The following DGKB variants were observed in gnomAD, a reference collection of about 807,000 sequenced individuals.
The protein encoded by DGKB is diacylglycerol kinase beta, also known as 90 kDa diacylglycerol kinase.
A neutral mutation model predicts 114.3 loss-of-function variants in DGKB; 67 were observed. The observed-to-expected ratio is 0.59, with a 90% confidence interval of 0.48 to 0.72. The LOEUF (loss-of-function observed/expected upper bound fraction) is 0.72, where lower values mean the gene tolerates loss of function less well. Among genes scored for constraint, DGKB ranks in the 30% least tolerant of loss-of-function variants. DGKB has a pLI of 0.00. For synonymous variants in DGKB, 398 were observed against 323.1 expected (o/e 1.23, Z -2.49); for missense variants, 907 against 975.2 (o/e 0.93, Z 0.93).
intron 23 of DGKB, among the ~76,000 whole-genome samples, chr7:14,186,817 A>G (rs572941110): frequency 1.3e-5 from 2 of 152,280 alleles, no homozygotes; most frequent in Admixed American, 1.3e-4. Context: ...GAGATAAGCT[A>G]TGAGGAAGCA....
intron 2 of DGKB, among the ~76,000 whole-genome samples, chr7:14,788,900 A>G (rs1234833318): frequency 6.6e-6 from 1 of 152,124 alleles, no homozygotes; most frequent in Non-Finnish European, 1.5e-5. Flanking sequence ...CCGTATGCCC[A>G]GGAAAATACA....
At chr7:14,905,990 A>C (rs150390830), upstream of DGKB, among the ~76,000 whole-genome samples, 1 of 152,156 alleles carries the variant, frequency 6.6e-6, no homozygotes, top group African/African-American at 2.4e-5. Flanking sequence ...TTTCATATCT[A>C]TCACTCACAG....
At chr7:14,391,387 T>C (rs1821278708) in intron 21 of DGKB, among the ~76,000 whole-genome samples, 1 of 151,890 alleles carries the variant, frequency 6.6e-6, no homozygotes, top group Non-Finnish European at 1.5e-5. Context: ...AAAGGTGACT[T>C]GAATGATAAG....
At chr7:14,917,959 T>A (rs1162894415) in intron 1 of DGKB, among the ~76,000 whole-genome samples, 2 of 152,086 alleles carry the variant, frequency 1.3e-5, no homozygotes, top group South Asian at 4.2e-4. Context: ...CATTTGAAAA[T>A]CAATAATATA....
chr7:14,583,611 T>C (rs1800283236), intron 17 of DGKB, among the ~76,000 whole-genome samples: 1 of 152,146 alleles, frequency 6.6e-6, no homozygotes, highest in African/African-American at 2.4e-5. Flanking sequence ...CTGGGAGAAA[T>C]TGATCAGACT....
intron 1 of DGKB, among the ~76,000 whole-genome samples, chr7:14,947,828 G>C (rs570902191): frequency 6.6e-6 from 1 of 151,474 alleles, no homozygotes; most frequent in Admixed American, 6.6e-5. Flanking sequence ...GTTATCATTC[G>C]TCTACTACTT....
At chr7:14,149,536 T>TTGCTTAGGTTACATGATTA (rs1212632860) in intron 25 of DGKB, among the ~76,000 whole-genome samples, 1 of 152,148 alleles carries the variant, frequency 6.6e-6, no homozygotes, top group East Asian at 1.9e-4. Flanking sequence ...CCAGAACTGC[T>TTGCTTAGGTTACATGATTA]TGCTTAGGTT....
intron 20 of DGKB, among the ~76,000 whole-genome samples, chr7:14,573,822 C>G (rs1027305187): frequency 1.3e-5 from 2 of 151,960 alleles, no homozygotes; most frequent in African/African-American, 2.4e-5. Context: ...TTATAAAATG[C>G]ATCTCAAAGT....
At chr7:14,739,883 C>G (rs1445301552) in intron 4 of DGKB, among the ~76,000 whole-genome samples, 1 of 152,226 alleles carries the variant, frequency 6.6e-6, no homozygotes, top group Non-Finnish European at 1.5e-5. Flanking sequence ...CACCCCAACC[C>G]CAACTGCTGC....
intron 23 of DGKB, among the ~76,000 whole-genome samples, chr7:14,275,110 G>A (rs939059476): frequency 6.6e-6 from 1 of 151,994 alleles, no homozygotes; most frequent in African/African-American, 2.4e-5. Flanking sequence ...TCACCTCTGG[G>A]CAGAAATAAT....
intron 1 of DGKB, among the ~76,000 whole-genome samples, chr7:14,877,856 A>T (rs1013358322): frequency 6.6e-6 from 1 of 152,212 alleles, no homozygotes; most frequent in Non-Finnish European, 1.5e-5. Flanking sequence ...TATTAGGAAA[A>T]ATCGTATATA....
intron 1 of DGKB, among the ~76,000 whole-genome samples, chr7:14,954,130 A>T (rs2128261992): frequency 6.6e-6 from 1 of 152,082 alleles, no homozygotes; most frequent in South Asian, 2.1e-4. Flanking sequence ...GTAGAAAGGG[A>T]AGGAGGTGTG....
At position 14,485,977 on chromosome 7, in the gene DGKB, G is replaced by T. The variant is rs10232149; in HGVS notation, c.1771-7752C>A. On this transcript the variant is annotated intron_variant, in intron 20 of 25. Coordinates refer to ENST00000402815, the MANE Select transcript of DGKB (RefSeq NM_001350709.2). ...CCAAGTGAATTATTTAATTTCTTGG[G>T]TATTTGATATTAGGTGATGGCAAAA... is the stretch of plus-strand genomic sequence containing the variant. Among the ~76,000 whole-genome samples, 1,473 of 152,114 alleles carry T rather than the reference G, an allele frequency of 9.7e-3. 31 individuals carry two copies. The highest frequency in any genetic ancestry group is 0.034 in the African/African-American group (1,414 of 41,482).
rs191060032 is a variant in DGKB at position 14,288,483 on chromosome 7, T to C, written c.2122+50032A>G. The stretch of plus-strand genomic sequence containing the variant: ...ATATATTTCTAGTAGTTATGCCTAA[T>C]TGACAATTGCTGTCATTTACTTCTG... On this transcript the variant is annotated intron_variant, in intron 23 of 25. Coordinates refer to ENST00000402815, the MANE Select transcript of DGKB (RefSeq NM_001350709.2). Among the ~76,000 whole-genome samples the C allele has an allele frequency of 3.9e-3, 588 of 152,178 alleles. 3 individuals carry two copies. The highest frequency in any genetic ancestry group is 3.4e-3 in the Non-Finnish European group (229 of 68,002).
At chr7:14,716,292 C>A (rs1054220472) in intron 6 of DGKB, among the ~76,000 whole-genome samples, 1 of 152,190 alleles carries the variant, frequency 6.6e-6, no homozygotes, top group Non-Finnish European at 1.5e-5. Flanking sequence ...GATCCCACCC[C>A]AGGCCAGCTG....
chr7:14,973,469 T>G (rs10259873), intron 1 of DGKB, among the ~76,000 whole-genome samples: 26,400 of 151,204 alleles, frequency 0.17, 2,353 homozygotes, highest in South Asian at 0.22. Flanking sequence ...TCATACTATT[T>G]CTTTTTGTTG....
intron 2 of DGKB, among the ~76,000 whole-genome samples, chr7:14,801,694 G>T (rs1430762090): frequency 6.6e-6 from 1 of 151,800 alleles, no homozygotes; most frequent in African/African-American, 2.4e-5. Flanking sequence ...TTTTGAACTG[G>T]ATCTGAATTA....
chr7:14,518,487 AGAG>A (rs1789212757), intron 20 of DGKB, among the ~76,000 whole-genome samples: 2 of 152,128 alleles, frequency 1.3e-5, no homozygotes, highest in South Asian at 4.1e-4. Flanking sequence ...AAAAAAGATG[AGAG>A]GAGTACTGCC....
chr7:14,858,311 T>C (rs1270771092), intron 1 of DGKB, among the ~76,000 whole-genome samples: 1 of 152,186 alleles, frequency 6.6e-6, no homozygotes, highest in African/African-American at 2.4e-5. Flanking sequence ...CAAGAATGAC[T>C]ACAATTTAAC....
Sources: gnomAD v4.1 joint callset for allele counts (sites outside exome capture counted in the v4.1 genomes callset) on GRCh38, gnomAD v4.1.1 for gene constraint, MANE v1.5 for transcripts, NCBI Gene and HGNC (gene_info 2026-07-23, HGNC 2026-07-21) for gene names.